CYB5R2: variants seen among roughly 807,000 people sequenced by gnomAD.
CYB5R2 encodes the protein cytochrome b5 reductase 2, also known as NADH-cytochrome b5 reductase 2.
In CYB5R2, 35 loss-of-function variants were observed where a neutral mutation model predicts 29.8. The observed-to-expected ratio is 1.17, with a 90% CI of 0.90 to 1.56. The LOEUF (loss-of-function observed/expected upper bound fraction) is 1.56. Ranked by LOEUF, CYB5R2 falls within the 40% of genes most tolerant of loss-of-function variation. CYB5R2 has a pLI of 0.00. For missense variants in CYB5R2, 419 were observed against 346.7 expected (o/e 1.21, Z -1.66); for synonymous variants, 169 against 130.6 (o/e 1.29, Z -2.01).
At chr11:7,673,698 C>A, upstream of CYB5R2, 1 of 986,016 alleles carries the variant, frequency 1.0e-6, no homozygotes, top group Non-Finnish European at 1.2e-6. Context: ...TCCATAAATA[C>A]ACCCCGCCGC....
intron 8 of CYB5R2, chr11:7,666,220 G>T: frequency 1.7e-6 from 1 of 594,190 alleles, no homozygotes; most frequent in Non-Finnish European, 3.0e-6. Context: ...AGTGCAGCGT[G>T]AGGTGCTGCT....
intron 8 of CYB5R2, chr11:7,666,125 G>T (rs1420640995): frequency 3.2e-6 from 2 of 615,504 alleles, no homozygotes; most frequent in African/African-American, 3.7e-5. Flanking sequence ...GAAGGGGTCA[G>T]TGCCCATATT....
rs929767249 is a variant in CYB5R2, at chr11:7,665,304, C to G, written c.*70G>C. 4.7e-6 allele frequency: 6 copies of G among 1,286,952 alleles called. No individual in the cohort carries two copies. In the South Asian group the frequency reaches 4.7e-5, roughly 10 times the overall value. 79.7% of individuals were successfully genotyped at this position (1,286,952 alleles called of 1,614,324 possible). Reference sequence around the variant, plus strand: ...CACTTTTGAAAACATCCCAGTTTACCGTGGTGAAATTGAACTTACTCTGAA... The same window carrying G: ...CACTTTTGAAAACATCCCAGTTTACGGTGGTGAAATTGAACTTACTCTGAA... On this transcript the variant is annotated 3_prime_UTR_variant, in exon 9 of 9. Transcript: ENST00000299498.
upstream of CYB5R2, chr11:7,673,765 C>G (rs556393332): frequency 1.2e-4 from 122 of 987,410 alleles, no homozygotes; most frequent in African/African-American, 1.6e-3. Flanking sequence ...TGGCCGGGGG[C>G]CGCTCCCCGC....
At chr11:7,666,396 A>T (rs1047371781) in intron 8 of CYB5R2, 55 bp downstream of exon 8, 30 of 1,136,746 alleles carry the variant, frequency 2.6e-5, no homozygotes, top group Non-Finnish European at 3.6e-5. Flanking sequence ...CCAGTCCTCA[A>T]AGTGGTCAAG....
rs1373192859 is a variant in CYB5R2, at chr11:7,665,460, A to C, written c.745T>G (p.Cys249Gly). The C allele has an allele frequency of 1.4e-5, 23 of 1,613,806 alleles. No individual in the cohort carries two copies. The highest frequency in any genetic ancestry group is 1.9e-5 in the Non-Finnish European group (23 of 1,179,922). ...PPAKSTLILV[C>G]GPPPLIQTAA... ...GTCTGGATTAGTGGTGGCGGGCCAC[A>C]CACCAGGATGAGCGTGGACTTCGCT... The change falls in exon 9 of 9, where the codon TGT (cysteine) becomes GGT (glycine). Residue 249 changes from cysteine to glycine, a missense_variant. By Grantham distance (159) the Cys-to-Gly change is radical. Coordinates refer to ENST00000299498, the MANE Select transcript of CYB5R2 (RefSeq NM_016229.5).
chr11:7,666,612 C>G (rs1590863913), intron 7 of CYB5R2, 62 bp from the exon 8 acceptor site: 1 of 1,240,194 alleles, frequency 8.1e-7, no homozygotes, highest in East Asian at 2.4e-5. Context: ...CCTGGACTGA[C>G]TACACCGGTC....
upstream of CYB5R2, chr11:7,674,149 C>T (rs374437446): frequency 8.2e-7 from 1 of 1,222,984 alleles, no homozygotes; most frequent in East Asian, 5.7e-5. Flanking sequence ...GTCTGGGTGA[C>T]CGGGCGGAGG....
chr11:7,666,749 A>T (rs1469291705), intron 7 of CYB5R2, 199 bp from the exon 8 acceptor site: 2 of 471,594 alleles, frequency 4.2e-6, no homozygotes, highest in Middle Eastern at 5.8e-4. Context: ...AAGTTCCTCC[A>T]TGTGGATGAA....
rs1195009181 is a variant in CYB5R2, at chr11:7,667,743, G to A, written c.543C>T (p.Leu181=). The change falls in exon 7 of 9, where the codon CTC becomes CTT. Residue 181 remains leucine (L), a synonymous_variant. Coordinates refer to ENST00000299498, the MANE Select transcript of CYB5R2 (RefSeq NM_016229.5). ...KDPSDRTRMS[L]IFANQTEEDI... The stretch of plus-strand genomic sequence containing the variant: ...AGGAACTGACCTGGTTGGCAAAGAT[G>A]AGGGACATCCTGGTCCTGTCACTGG... 3 of 1,614,100 alleles carry A rather than the reference G, an allele frequency of 1.9e-6. No homozygotes were observed. The highest frequency in any genetic ancestry group is 2.5e-6 in the Non-Finnish European group (3 of 1,179,928).
chr11:7,670,928 G>A (rs1855694105), intron 3 of CYB5R2: 1 of 65,148 alleles, frequency 1.5e-5, no homozygotes, highest in Non-Finnish European at 3.1e-5. Context: ...ACTACATACG[G>A]GAAATTAGTC....
chr11:7,673,886 C>G (rs1280240179), upstream of CYB5R2: 1 of 994,202 alleles, frequency 1.0e-6, no homozygotes. Flanking sequence ...GCGGACCCCG[C>G]AGGCTGGGAC....
At position 7,669,614 on chromosome 11, in the gene CYB5R2, G is replaced by T; in HGVS notation, c.258+11C>A. The T allele has an allele frequency of 6.4e-7, 1 of 1,565,928 alleles. No homozygotes were observed. Among genetic ancestry groups the T allele is most frequent in the Non-Finnish European group, 8.7e-7 (1 of 1,153,612 alleles). ...AGCACGAGCTAGCCAGATATGGTGG[G>T]CACTATTTACCTTTATAATTAGGTC... is the stretch of plus-strand genomic sequence containing the variant. On this transcript the variant is annotated intron_variant, in intron 4 of 8. Coordinates refer to ENST00000299498, the MANE Select transcript of CYB5R2 (RefSeq NM_016229.5).
In CYB5R2 at chr11:7,665,645, C is replaced by T. The variant is rs560216797; in HGVS notation, c.659-99G>A. On this transcript the variant is annotated intron_variant, in intron 8 of 8. Coordinates refer to ENST00000299498, the MANE Select transcript of CYB5R2 (RefSeq NM_016229.5). ...CCACCCTCAGCCAGGGAGGAGGTGA[C>T]AAGCTGCTCTACAAAGGCTTAGAAG... 8 of 1,324,578 alleles carry T rather than the reference C, an allele frequency of 6.0e-6. No homozygotes were observed. The East Asian group carries it at 2.0e-4, about 33-fold the overall frequency. 82.1% of individuals were successfully genotyped at this position (1,324,578 alleles called of 1,614,324 possible). A position where few individuals can be genotyped will look rare whatever the true frequency, so the allele number is the denominator to read the frequency against.
upstream of CYB5R2, chr11:7,673,898 C>A: frequency 3.0e-6 from 3 of 999,110 alleles, no homozygotes; most frequent in Non-Finnish European, 3.6e-6. Context: ...GGCTGGGACC[C>A]CGGCGGCTGG....
At chr11:7,666,744 C>A (rs1855276115) in intron 7 of CYB5R2, 194 bp from the exon 8 acceptor site, 9 of 487,606 alleles carry the variant, frequency 1.8e-5, no homozygotes, top group South Asian at 7.3e-5. Flanking sequence ...GGATGAAGTT[C>A]CTCCATGTGG....
Position 7,673,466 on chromosome 11 carries a change from A to C in CYB5R2, c.-114T>G. On this transcript the variant is annotated 5_prime_UTR_variant, in exon 1 of 9. Coordinates refer to ENST00000299498, the MANE Select transcript of CYB5R2 (RefSeq NM_016229.5). Reference sequence around the variant, plus strand: ...CTCCCAACTCAAGCCCGACAGGGAAAGTTGCCTCTCCTCCCGCCGGGTCAC... The same window carrying C: ...CTCCCAACTCAAGCCCGACAGGGAACGTTGCCTCTCCTCCCGCCGGGTCAC... The C allele has an allele frequency of 1.0e-6, 1 of 986,290 alleles. No individual in the cohort carries two copies. The highest frequency in any genetic ancestry group is 1.2e-6 in the Non-Finnish European group (1 of 830,638). The allele number at this position is 986,290 out of a possible 1,614,324, so 61.1% of individuals were successfully genotyped here. A position where few individuals can be genotyped will look rare whatever the true frequency, so the allele number is the denominator to read the frequency against.
chr11:7,669,040 G>A, intron 5 of CYB5R2, 165 bp downstream of exon 5: 1 of 848,532 alleles, frequency 1.2e-6, no homozygotes, highest in Non-Finnish European at 2.0e-6. Context: ...TCATGAAGTG[G>A]GTGTGTGAAT....
In CYB5R2 at chr11:7,665,364, C is replaced by G. The variant is rs1325883872; in HGVS notation, c.*10G>C. ...AAGGGACATGCAAAATTGCTGAGCA[C>G]GTGGAGGTGTTAGTAGGTGAAAATC... On this transcript the variant is annotated 3_prime_UTR_variant, in exon 9 of 9. Transcript: ENST00000299498. The G allele has an allele frequency of 2.7e-5, 39 of 1,438,834 alleles. No individual in the cohort carries two copies. The highest frequency in any genetic ancestry group is 3.6e-5 in the Non-Finnish European group (39 of 1,084,182). The allele number at this position is 1,438,834 out of a possible 1,614,324, so 89.1% of individuals were successfully genotyped here. A position where few individuals can be genotyped will look rare whatever the true frequency, so the allele number is the denominator to read the frequency against.
Sources: gnomAD v4.1 joint callset for allele counts on GRCh38, gnomAD v4.1.1 for gene constraint, MANE v1.5 for transcripts, NCBI Gene and HGNC (gene_info 2026-07-23, HGNC 2026-07-21) for gene names.